INPP4B: variants seen among roughly 807,000 people sequenced by gnomAD.
INPP4B encodes the protein inositol polyphosphate 4-phosphatase type II.
INPP4B carries 55 observed loss-of-function variants against 122.5 expected under a neutral mutation model. The observed-to-expected ratio is 0.45, with a 90% CI of 0.36 to 0.56. INPP4B has a LOEUF of 0.56. INPP4B is among the 20% of genes least tolerant of loss of function. The probability of loss-of-function intolerance (pLI) is 0.00; values close to 1 mark genes in which losing one functional copy is unlikely to be tolerated. For synonymous variants in INPP4B, 403 were observed against 388.7 expected (o/e 1.04, Z -0.43); for missense variants, 1,000 against 1,097.7 (o/e 0.91, Z 1.26).
At position 142,305,536 on chromosome 4, in the gene INPP4B, C is replaced by T. The variant is rs149208667; in HGVS notation, c.425G>A (p.Arg142Gln). ...AAAACTGGCATAGCCCAAGAAACTT[C>T]GCTGAAAATAACAGAAAGAATGGTT... ...EHKDPPPEVG[R>Q]SFLGYASFKV... The change falls in exon 9 of 26, where the codon CGA becomes CAA. Residue 142 changes from arginine to glutamine, a missense_variant and splice_region_variant. By Grantham distance (43) the Arg-to-Gln change is conservative. Coordinates refer to ENST00000262992, the MANE Select transcript of INPP4B (RefSeq NM_001101669.3). The T allele has an allele frequency of 4.2e-5, 68 of 1,610,332 alleles. No homozygotes were observed. Among genetic ancestry groups the T allele is most frequent in the South Asian group, 2.9e-4 (26 of 90,168 alleles).
intron 1 of INPP4B, among the ~76,000 whole-genome samples, chr4:142,734,023 T>C (rs1432393576): frequency 6.6e-6 from 1 of 152,168 alleles, no homozygotes; most frequent in Non-Finnish European, 1.5e-5. Context: ...TGTTATGGGC[T>C]CAATTGCATC....
chr4:142,476,445 C>T (rs1819785609), intron 2 of INPP4B, among the ~76,000 whole-genome samples: 1 of 152,042 alleles, frequency 6.6e-6, no homozygotes, highest in Non-Finnish European at 1.5e-5. Flanking sequence ...TGCATGATAA[C>T]CAGCTAACAA....
intron 2 of INPP4B, among the ~76,000 whole-genome samples, chr4:142,679,026 T>C (rs998955414): frequency 3.3e-5 from 5 of 151,930 alleles, no homozygotes; most frequent in African/African-American, 9.7e-5. Flanking sequence ...ATTTCCTTAC[T>C]AATAAAAACA....
chr4:142,774,699 T>C (rs1251013187), intron 1 of INPP4B, among the ~76,000 whole-genome samples: 1 of 152,090 alleles, frequency 6.6e-6, no homozygotes, highest in African/African-American at 2.4e-5. Context: ...CTGCACATCA[T>C]GTTTGTCTCT....
At chr4:142,526,554 A>G (rs1349008888) in intron 2 of INPP4B, among the ~76,000 whole-genome samples, 1 of 152,104 alleles carries the variant, frequency 6.6e-6, no homozygotes, top group East Asian at 1.9e-4. Context: ...CATCAGAGAT[A>G]AGTTAATCGA....
At chr4:142,737,773 A>G (rs1767193725) in intron 1 of INPP4B, among the ~76,000 whole-genome samples, 1 of 152,188 alleles carries the variant, frequency 6.6e-6, no homozygotes, top group Non-Finnish European at 1.5e-5. Flanking sequence ...CAAGAAAAAA[A>G]CAACCCCATC....
rs528596911 is a variant in INPP4B, at chr4:142,139,586, C to T, written c.1720+6254G>A. Among the ~76,000 whole-genome samples, 24 of 152,244 alleles carry T rather than the reference C, an allele frequency of 1.6e-4. No individual in the cohort carries two copies. In the East Asian group the frequency reaches 3.1e-3, roughly 20 times the overall value. ...CCTCCCAAAGTGCTGGGATTACAGTCGTGAGCCACCCTGCCCGGCCCAGTC... is the reference window on the plus strand; with the variant it reads ...CCTCCCAAAGTGCTGGGATTACAGTTGTGAGCCACCCTGCCCGGCCCAGTC... On this transcript the variant is annotated intron_variant, in intron 18 of 25. Coordinates refer to ENST00000262992, the MANE Select transcript of INPP4B (RefSeq NM_001101669.3).
intron 2 of INPP4B, among the ~76,000 whole-genome samples, chr4:142,484,296 G>T (rs902301904): frequency 2.0e-5 from 3 of 151,960 alleles, no homozygotes; most frequent in Non-Finnish European, 4.4e-5. Flanking sequence ...AAAATTATTA[G>T]TATTTTTTAA....
intron 25 of INPP4B, among the ~76,000 whole-genome samples, chr4:142,030,718 G>A (rs1419394643): frequency 6.6e-6 from 1 of 152,156 alleles, no homozygotes; most frequent in Admixed American, 6.6e-5. Flanking sequence ...AGGATGTAGT[G>A]AAGCAAACCA....
At chr4:142,044,417 C>T (rs1750139941) in intron 25 of INPP4B, among the ~76,000 whole-genome samples, 1 of 151,972 alleles carries the variant, frequency 6.6e-6, no homozygotes, top group Non-Finnish European at 1.5e-5. Flanking sequence ...AAGTATGTGT[C>T]AAATGCTGCA....
intron 2 of INPP4B, among the ~76,000 whole-genome samples, chr4:142,669,583 T>C (rs1196189975): frequency 6.6e-6 from 1 of 152,144 alleles, no homozygotes; most frequent in Non-Finnish European, 1.5e-5. Flanking sequence ...TAATAAGTGG[T>C]ATTGGGTAAA....
chr4:142,471,605 C>T (rs1007835557), intron 2 of INPP4B, among the ~76,000 whole-genome samples: 5 of 152,166 alleles, frequency 3.3e-5, no homozygotes, highest in Non-Finnish European at 5.9e-5. Context: ...TGAGAAATGA[C>T]GCCTTTGCCA....
intron 7 of INPP4B, among the ~76,000 whole-genome samples, chr4:142,399,183 CTTTTGCTTTTTTTTTTTTT>C (rs1800756373): frequency 8.7e-6 from 1 of 114,690 alleles, no homozygotes; most frequent in Admixed American, 1.0e-4. Flanking sequence ...TCTAAATTTC[CTTTTGCTTTTTTTTTTTTT>C]TTTTTTTTTT....
intron 2 of INPP4B, among the ~76,000 whole-genome samples, chr4:142,581,178 T>A (rs979644596): frequency 4.6e-5 from 7 of 152,056 alleles, no homozygotes; most frequent in Middle Eastern, 3.2e-3. Flanking sequence ...ATACTTTTGT[T>A]TACTCTTTGC....
At chr4:142,493,645 G>A (rs1357035261) in intron 2 of INPP4B, among the ~76,000 whole-genome samples, 2 of 152,146 alleles carry the variant, frequency 1.3e-5, no homozygotes, top group African/African-American at 4.8e-5. Flanking sequence ...CCCTTTGAAA[G>A]GTCTGTATTT....
chr4:142,610,821 G>C (rs1742328841), intron 2 of INPP4B, among the ~76,000 whole-genome samples: 1 of 152,020 alleles, frequency 6.6e-6, no homozygotes, highest in African/African-American at 2.4e-5. Context: ...AAACTGAAAA[G>C]TTGCATGCCA....
intron 23 of INPP4B, among the ~76,000 whole-genome samples, chr4:142,091,438 G>T (rs796702252): frequency 6.6e-6 from 1 of 152,120 alleles, no homozygotes; most frequent in Non-Finnish European, 1.5e-5. Context: ...GGCAGAAAAG[G>T]CTACATTATT....
intron 19 of INPP4B, among the ~76,000 whole-genome samples, chr4:142,124,260 A>G (rs1797750938): frequency 6.6e-6 from 1 of 152,152 alleles, no homozygotes; most frequent in Admixed American, 6.6e-5. Context: ...AGTGCAAGTC[A>G]ACAGTCCCTT....
At chr4:142,448,239 A>C (rs1047136726) in intron 3 of INPP4B, among the ~76,000 whole-genome samples, 1 of 145,676 alleles carries the variant, frequency 6.9e-6, no homozygotes, top group African/African-American at 2.5e-5. Flanking sequence ...TGGATGCTTG[A>C]TGATGCTACA....
Sources: gnomAD v4.1 joint callset for allele counts (sites outside exome capture counted in the v4.1 genomes callset) on GRCh38, gnomAD v4.1.1 for gene constraint, MANE v1.5 for transcripts, NCBI Gene and HGNC (gene_info 2026-07-23, HGNC 2026-07-21) for gene names.